Variants in DRC8 observed in about 807,000 individuals in gnomAD.
DRC8 encodes the protein dynein regulatory complex protein 8.
the DRC8 span, among the ~76,000 whole-genome samples, chr1:244,978,211 A>G: frequency 3.7e-4 from 56 of 152,150 alleles, no homozygotes; most frequent in Non-Finnish European, 6.2e-4. Flanking sequence ...GATGAGATCT[A>G]GGCCGGGCGC....
At chr1:245,027,980 C>A in the DRC8 span, among the ~76,000 whole-genome samples, 2 of 151,988 alleles carry the variant, frequency 1.3e-5, no homozygotes, top group African/African-American at 4.8e-5. Context: ...CAGCCTCGAC[C>A]TCCTGGGCTC....
chr1:245,032,814 A>G, the DRC8 span, among the ~76,000 whole-genome samples: 3 of 152,122 alleles, frequency 2.0e-5, no homozygotes, highest in Non-Finnish European at 4.4e-5. Flanking sequence ...TGTAAGCAAT[A>G]CAAATCCATA....
chr1:245,059,707 C>A, the DRC8 span, among the ~76,000 whole-genome samples: 18 of 152,266 alleles, frequency 1.2e-4, no homozygotes, highest in Non-Finnish European at 2.4e-4. Context: ...TAGAAATGAT[C>A]CTCTCTGTAA....
the DRC8 span, chr1:245,087,531 G>C: frequency 1.2e-4 from 154 of 1,336,980 alleles, 1 homozygote; most frequent in South Asian, 2.7e-3. Context: ...ACCAAATTTA[G>C]TATGTCTAGC....
the DRC8 span, among the ~76,000 whole-genome samples, chr1:245,022,704 T>C: frequency 6.6e-6 from 1 of 151,880 alleles, no homozygotes; most frequent in Non-Finnish European, 1.5e-5. Context: ...TGAGTATGCA[T>C]GTGCATGTGC....
At chr1:245,027,793 C>A in the DRC8 span, among the ~76,000 whole-genome samples, 44,188 of 151,398 alleles carry the variant, frequency 0.29, 6,739 homozygotes, top group Middle Eastern at 0.36. Context: ...AATGAAATTA[C>A]CACTAACCAC....
the DRC8 span, among the ~76,000 whole-genome samples, chr1:245,034,211 T>C: frequency 6.6e-6 from 1 of 152,140 alleles, no homozygotes; most frequent in Non-Finnish European, 1.5e-5. Context: ...TTAAAGTCTA[T>C]ATAAAAAAAG....
the DRC8 span, among the ~76,000 whole-genome samples, chr1:245,101,923 T>C: frequency 1.3e-5 from 2 of 152,226 alleles, no homozygotes; most frequent in Non-Finnish European, 2.9e-5. Flanking sequence ...CGATTTAGGT[T>C]CATCTTGTAC....
the DRC8 span, among the ~76,000 whole-genome samples, chr1:244,991,411 C>T: frequency 1.3e-5 from 2 of 152,128 alleles, no homozygotes; most frequent in South Asian, 4.2e-4. Context: ...ATGGTTGGTT[C>T]GATCACTGGC....
At chr1:245,075,831 ATTTG>A in the DRC8 span, among the ~76,000 whole-genome samples, 1 of 152,134 alleles carries the variant, frequency 6.6e-6, no homozygotes, top group African/African-American at 2.4e-5. Flanking sequence ...AACAAGATGT[ATTTG>A]TTTTGTGAGT....
At chr1:245,059,960 C>T in the DRC8 span, among the ~76,000 whole-genome samples, 2 of 152,160 alleles carry the variant, frequency 1.3e-5, no homozygotes, top group African/African-American at 4.8e-5. Flanking sequence ...GAGCAGCCCA[C>T]GATGAGAGTG....
the DRC8 span, among the ~76,000 whole-genome samples, chr1:245,072,946 A>C: frequency 6.6e-6 from 1 of 151,922 alleles, no homozygotes; most frequent in Non-Finnish European, 1.5e-5. Context: ...CAAGAAACCA[A>C]GCAGATGTCA....
the DRC8 span, among the ~76,000 whole-genome samples, chr1:245,058,664 G>T: frequency 6.6e-6 from 1 of 152,186 alleles, no homozygotes; most frequent in South Asian, 2.1e-4. Context: ...ACACATCCCT[G>T]TCTTAATATT....
the DRC8 span, among the ~76,000 whole-genome samples, chr1:245,074,359 C>T: frequency 6.6e-6 from 1 of 152,168 alleles, no homozygotes; most frequent in Admixed American, 6.5e-5. Flanking sequence ...CTATCAAATA[C>T]AATAAAACTA....
At chr1:245,022,824 A>G in the DRC8 span, among the ~76,000 whole-genome samples, 393 of 152,290 alleles carry the variant, frequency 2.6e-3, 2 homozygotes, top group African/African-American at 8.9e-3. Context: ...ACATTACTCT[A>G]CAACCATCAC....
chr1:244,999,058 C>CAAAAAAAAA, the DRC8 span, among the ~76,000 whole-genome samples: 60 of 83,600 alleles, frequency 7.2e-4, no homozygotes, highest in Non-Finnish European at 9.6e-4. Flanking sequence ...GATCCTGGGT[C>CAAAAAAAAA]AAAAAAAAAA....
the DRC8 span, among the ~76,000 whole-genome samples, chr1:245,034,221 GC>G: frequency 1.3e-5 from 2 of 152,082 alleles, no homozygotes; most frequent in African/African-American, 4.8e-5. Flanking sequence ...TATAAAAAAA[GC>G]CCTTCTTAGT....
At chr1:245,055,171 C>A in the DRC8 span, among the ~76,000 whole-genome samples, 1 of 152,154 alleles carries the variant, frequency 6.6e-6, no homozygotes, top group South Asian at 2.1e-4. Context: ...TGCGGCATAG[C>A]CCTGAGAGAT....
chr1:245,044,305 A>T, the DRC8 span, among the ~76,000 whole-genome samples: 1 of 152,308 alleles, frequency 6.6e-6, no homozygotes. Context: ...ACCACAATGG[A>T]AATAAAAAAG....
Sources: gnomAD v4.1 joint callset for allele counts (sites outside exome capture counted in the v4.1 genomes callset) on GRCh38, gnomAD v4.1.1 for gene constraint, MANE v1.5 for transcripts, NCBI Gene and HGNC (gene_info 2026-07-23, HGNC 2026-07-21) for gene names.